Variants in PKD1L1 observed in about 807,000 individuals in gnomAD.
The protein encoded by PKD1L1 is polycystin-1-like protein 1.
In PKD1L1, 236 loss-of-function variants were observed where a neutral mutation model predicts 323.4. That is an observed-to-expected ratio of 0.73 (90% CI 0.66 to 0.81). The LOEUF (loss-of-function observed/expected upper bound fraction) is 0.81. Among genes scored for constraint, PKD1L1 ranks in the 40% least tolerant of loss-of-function variants. The pLI is 0.00. For synonymous variants in PKD1L1, 1,344 were observed against 1,335.0 expected, an observed-to-expected ratio of 1.01 and a Z score of -0.15; for missense variants, 3,320 against 3,508.0, an observed-to-expected ratio of 0.95 and a Z score of 1.35.
rs754079098 is a variant in PKD1L1, at chr7:47,813,195, G to T, written c.7272C>A (p.Asn2424Lys). ...PENPYLIDPE[N>K]QNVTLNGPGG... ...CAGGACCATTCAGGGTCACGTTTTG[G>T]TTCTCTGGGTCTATCAGGTAGGGGT... Residue 2424 changes from asparagine to lysine, a missense_variant, in exon 49 of 57, where the codon AAC (asparagine) becomes AAA (lysine). Physicochemically the swap from Asn to Lys is moderately conservative, Grantham distance 94 (BLOSUM62 0). Transcript: ENST00000289672. 6.2e-7 allele frequency: 1 copy of T among 1,614,194 alleles called. No individual in the cohort carries two copies. Among genetic ancestry groups the T allele is most frequent in the South Asian group, 1.1e-5 (1 of 91,076 alleles).
intron 21 of PKD1L1, 98 bp from the exon 22 acceptor site, chr7:47,877,729 A>C (rs1308183443): frequency 1.4e-6 from 2 of 1,398,250 alleles, no homozygotes; most frequent in East Asian, 2.5e-5. Context: ...AGGGGTTCTC[A>C]AAGTAGGGTC....
chr7:47,911,034 G>C (rs925186852), intron 8 of PKD1L1, among the ~76,000 whole-genome samples: 4 of 152,088 alleles, frequency 2.6e-5, no homozygotes, highest in African/African-American at 9.7e-5. Context: ...TACTGATATA[G>C]TTCGGATGTT....
intron 3 of PKD1L1, 84 bp downstream of exon 3, chr7:47,940,097 ATGAATTCCTGAT>A: frequency 6.7e-7 from 1 of 1,488,732 alleles, no homozygotes; most frequent in Non-Finnish European, 9.3e-7. Flanking sequence ...ACAATCCCTG[ATGAATTCCTGAT>A]GAAACATGGA....
intron 14 of PKD1L1, among the ~76,000 whole-genome samples, chr7:47,894,676 C>G (rs1358036693): frequency 6.6e-6 from 1 of 152,082 alleles, no homozygotes; most frequent in East Asian, 1.9e-4. Context: ...CACGGTGAAA[C>G]CTCATCTCTA....
At chr7:47,855,925 A>ATAGC (rs1293756494) in intron 28 of PKD1L1, among the ~76,000 whole-genome samples, 1 of 151,776 alleles carries the variant, frequency 6.6e-6, no homozygotes, top group Non-Finnish European at 1.5e-5. Flanking sequence ...AGAGTGAAGA[A>ATAGC]TAGCTATTCT....
chr7:47,808,431 G>A (rs1784827749), intron 51 of PKD1L1, 44 bp from the exon 52 acceptor site: 3 of 1,608,654 alleles, frequency 1.9e-6, no homozygotes, highest in Non-Finnish European at 2.5e-6. Flanking sequence ...TCCTGAGGAA[G>A]GGCTTACCTG....
intron 28 of PKD1L1, among the ~76,000 whole-genome samples, chr7:47,856,904 C>T (rs1254273581): frequency 6.9e-6 from 1 of 144,614 alleles, no homozygotes; most frequent in East Asian, 1.9e-4. Flanking sequence ...AGACTGGGGT[C>T]GGGGGCTACA....
At chr7:47,817,917 A>T in intron 46 of PKD1L1, 1 of 836,492 alleles carries the variant, frequency 1.2e-6, no homozygotes, top group Non-Finnish European at 1.7e-6. Flanking sequence ...TAGTGAATTA[A>T]TTTATCTGAC....
Position 47,875,555 on chromosome 7 carries a change from C to T in PKD1L1, c.3784+542G>A, listed in dbSNP as rs141142563. On this transcript the variant is annotated intron_variant, in intron 23 of 56. Coordinates refer to ENST00000289672, the MANE Select transcript of PKD1L1 (RefSeq NM_138295.5). ...GTCAAGATACCTTCCTAAATGGCTG[C>T]ATGTCTCTTATGCTCAGTTGAAGCC... Among the ~76,000 whole-genome samples, 1,342 of 152,320 alleles carry T rather than the reference C, an allele frequency of 8.8e-3. 9 individuals carry two copies. The highest frequency in any genetic ancestry group is 0.014 in the Non-Finnish European group (934 of 68,026).
At chr7:47,798,918 T>C (rs772729818) in intron 54 of PKD1L1, among the ~76,000 whole-genome samples, 12 of 152,154 alleles carry the variant, frequency 7.9e-5, no homozygotes, top group Non-Finnish European at 8.8e-5. Flanking sequence ...TTATCAAAAT[T>C]TACAACTTCT....
intron 56 of PKD1L1, among the ~76,000 whole-genome samples, chr7:47,792,141 C>T (rs112415031): frequency 3.3e-5 from 5 of 152,312 alleles, no homozygotes; most frequent in African/African-American, 1.2e-4. Context: ...GCTCTATAAT[C>T]TATTCGTCCA....
At chr7:47,859,794 A>AT (rs933005638) in intron 26 of PKD1L1, among the ~76,000 whole-genome samples, 5 of 151,596 alleles carry the variant, frequency 3.3e-5, no homozygotes, top group Non-Finnish European at 5.9e-5. Flanking sequence ...CCCAGCTAAT[A>AT]TTTTTTTGTA....
intron 30 of PKD1L1, 134 bp from the exon 31 acceptor site, chr7:47,853,361 AAAAG>A: frequency 1.5e-6 from 1 of 657,528 alleles, no homozygotes; most frequent in Non-Finnish European, 2.7e-6. Flanking sequence ...CCTGGGACTA[AAAAG>A]GGTCAATGTG....
chr7:47,879,632 CAAAAAAAAA>C (rs1254218793), intron 21 of PKD1L1, among the ~76,000 whole-genome samples: 1 of 58,736 alleles, frequency 1.7e-5, no homozygotes. Context: ...GACTTTGTCT[CAAAAAAAAA>C]AAAAAAAAAA....
In PKD1L1 at chr7:47,940,300, C is replaced by T. The variant is rs759296636; in HGVS notation, c.178G>A (p.Val60Met). 2 of 1,612,844 alleles carry T rather than the reference C, an allele frequency of 1.2e-6. No individual in the cohort carries two copies. The highest frequency in any genetic ancestry group is 3.3e-5 in the Admixed American group (2 of 59,972). Residue 60 changes from valine (V) to methionine (M), a missense_variant, in exon 3 of 57, where the codon GTG (valine) becomes ATG (methionine). Transcript: ENST00000289672. ...GLWVEVYANHVLLMSDGKCGC... is the reference protein window; with the variant it reads ...GLWVEVYANHMLLMSDGKCGC... ...CACTTCCCATCACTCATAAGAAGCA[C>T]ATGATTAGCATAGACCTCTAGAGAA...
chr7:47,800,602 A>G (rs775502465), intron 54 of PKD1L1, 47 bp downstream of exon 54: 1 of 1,585,528 alleles, frequency 6.3e-7, no homozygotes, highest in Non-Finnish European at 8.7e-7. Flanking sequence ...ACAGCAAATG[A>G]AACTTTTACA....
the PKD1L1 span, among the ~76,000 whole-genome samples, chr7:47,959,050 C>A: frequency 1.3e-5 from 2 of 152,272 alleles, no homozygotes; most frequent in African/African-American, 2.4e-5. Flanking sequence ...TCTCCAGCTC[C>A]TAACTGCGAG....
intron 1 of PKD1L1, among the ~76,000 whole-genome samples, chr7:47,947,186 AC>A (rs1448421864): frequency 6.6e-6 from 1 of 152,246 alleles, no homozygotes; most frequent in Non-Finnish European, 1.5e-5. Flanking sequence ...CCCCGTCAAC[AC>A]GTGCAGCCTC....
chr7:47,829,661 GAGCTGTCC>G, intron 43 of PKD1L1, 60 bp from the exon 44 acceptor site: 1 of 1,492,368 alleles, frequency 6.7e-7, no homozygotes. Flanking sequence ...ATTCCACACA[GAGCTGTCC>G]TCCCGTCCCC....
Sources: gnomAD v4.1 joint callset for allele counts (sites outside exome capture counted in the v4.1 genomes callset) on GRCh38, gnomAD v4.1.1 for gene constraint, MANE v1.5 for transcripts, NCBI Gene and HGNC (gene_info 2026-07-23, HGNC 2026-07-21) for gene names.